CDH4: variants seen among roughly 807,000 people sequenced by gnomAD.
CDH4 encodes cadherin-4.
Under a neutral mutation model 86.0 loss-of-function variants are expected in CDH4, and 33 were observed. The observed-to-expected ratio is 0.38, with a 90% CI of 0.29 to 0.51. The LOEUF is 0.51. Among genes scored for constraint, CDH4 ranks in the 20% least tolerant of loss-of-function variants. The pLI is 0.86. For missense variants in CDH4, 1,114 were observed against 1,307.4 expected (o/e 0.85, Z 2.28); for synonymous variants, 555 against 549.4 (o/e 1.01, Z -0.14).
rs570651696 is a variant in CDH4 at position 61,811,520 on chromosome 20, G to GGGAAAAT, written c.577-33145_577-33139dup. Among the ~76,000 whole-genome samples the GGGAAAAT allele has an allele frequency of 2.8e-3, 428 of 152,258 alleles. 9 individuals carry two copies. Among genetic ancestry groups the GGGAAAAT allele is most frequent in the Middle Eastern group, 6.8e-3 (2 of 294 alleles). On this transcript the variant is annotated intron_variant, in intron 4 of 15. Transcript: ENST00000614565. The surrounding 1 kb of genome is among the most constrained non-coding windows in gnomAD (Gnocchi z 4.4). ...GCAGTGGAATCAACCAGTTAGAAAT[G>GGGAAAAT]GGAAAATGGTGGTTCCCTAGCCCAG...
chr20:61,746,252 G>A (rs1386524951), intron 3 of CDH4, among the ~76,000 whole-genome samples: 2 of 152,256 alleles, frequency 1.3e-5, no homozygotes, highest in Non-Finnish European at 2.9e-5. Context: ...TCCCATGGGG[G>A]CCATGGGGTC....
intron 2 of CDH4, among the ~76,000 whole-genome samples, chr20:61,690,260 T>C (rs2087638839): frequency 1.3e-5 from 2 of 151,854 alleles, no homozygotes; most frequent in South Asian, 2.1e-4. Flanking sequence ...TTAGGTGAGA[T>C]GGTGTGGTCA....
Position 61,658,963 on chromosome 20 carries a change from C to T in CDH4, c.170-84600C>T, listed in dbSNP as rs549637522. On this transcript the variant is annotated intron_variant, in intron 2 of 15. Coordinates refer to ENST00000614565, the MANE Select transcript of CDH4 (RefSeq NM_001794.5). ...CCTACATCTGTGGCCCCCGGAGCAG[C>T]GGCTCACCCTCAAGGCGTTTCTAAC... Among the ~76,000 whole-genome samples the T allele has an allele frequency of 2.9e-4, 44 of 152,278 alleles. No individual in the cohort carries two copies. The South Asian group carries it at 7.7e-3, about 27-fold the overall frequency.
intron 2 of CDH4, among the ~76,000 whole-genome samples, chr20:61,415,107 C>A (rs2085139550): frequency 6.6e-6 from 1 of 152,224 alleles, no homozygotes; most frequent in Non-Finnish European, 1.5e-5. Flanking sequence ...TATTCAAATT[C>A]TTTTCAGTGG....
At chr20:61,570,654 A>G (rs73136668) in intron 2 of CDH4, 30,812 of 702,232 alleles carry the variant, frequency 0.044, 1,739 homozygotes, top group African/African-American at 0.21. Flanking sequence ...TCACAATGGT[A>G]TTGGGCTGTG....
intron 2 of CDH4, among the ~76,000 whole-genome samples, chr20:61,628,999 G>T (rs1277539697): frequency 1.3e-5 from 2 of 152,254 alleles, no homozygotes; most frequent in African/African-American, 4.8e-5. Context: ...GCCGGCAAGT[G>T]CCTCTCAGCC....
chr20:61,785,194 G>A (rs923108035), intron 4 of CDH4, among the ~76,000 whole-genome samples: 3 of 152,060 alleles, frequency 2.0e-5, no homozygotes, highest in African/African-American at 4.8e-5. Flanking sequence ...CTATTCACAC[G>A]CAGCCCTGGC....
At chr20:61,260,862 T>C (rs2084124176) in intron 2 of CDH4, among the ~76,000 whole-genome samples, 2 of 152,188 alleles carry the variant, frequency 1.3e-5, no homozygotes. Context: ...GGGAAGTATA[T>C]ATCCTGTCTT....
intron 12 of CDH4, 25 bp from the exon 13 acceptor site, chr20:61,929,584 A>G: frequency 6.4e-7 from 1 of 1,573,740 alleles, no homozygotes; most frequent in Non-Finnish European, 8.7e-7. Context: ...GCTCTGGTTG[A>G]ATGTTTACTG....
intron 4 of CDH4, among the ~76,000 whole-genome samples, chr20:61,781,019 A>C (rs2105366): frequency 0.42 from 63,901 of 152,148 alleles, 14,499 homozygotes; most frequent in East Asian, 0.74. Context: ...TGCCCCGGAA[A>C]TGTGCATGCA....
chr20:61,408,126 C>T (rs1171658414), intron 2 of CDH4, among the ~76,000 whole-genome samples: 2 of 152,288 alleles, frequency 1.3e-5, no homozygotes, highest in South Asian at 2.1e-4. Flanking sequence ...CAAGTGTCCT[C>T]TCACTAGGAC....
Position 61,381,934 on chromosome 20 carries a change from G to GGTGT in CDH4, c.169+126998_169+126999insTGTG. 4.5e-5 allele frequency among the ~76,000 whole-genome samples: 5 copies of GGTGT among 110,872 alleles called. 1 individual carries two copies. Among genetic ancestry groups the GGTGT allele is most frequent in the African/African-American group, 1.9e-4 (5 of 25,926 alleles). 72.7% of individuals were successfully genotyped at this position (110,872 alleles called of 152,430 possible). ...TACTAAAAATACAAAAGATTAGCCA[G>GGTGT]GCATGGTGGCAGGCACCTGTAATCC... On this transcript the variant is annotated intron_variant, in intron 2 of 15. Transcript: ENST00000614565.
intron 2 of CDH4, among the ~76,000 whole-genome samples, chr20:61,628,297 C>T (rs2086850947): frequency 2.0e-5 from 3 of 152,060 alleles, no homozygotes; most frequent in Non-Finnish European, 4.4e-5. Flanking sequence ...TTCCTCACTG[C>T]CGCCCCCACC....
intron 4 of CDH4, among the ~76,000 whole-genome samples, chr20:61,836,607 T>A (rs577222453): frequency 6.6e-6 from 1 of 152,278 alleles, no homozygotes; most frequent in South Asian, 2.1e-4. Flanking sequence ...TTTCGGAAAA[T>A]GCAAGAAATA....
intron 2 of CDH4, among the ~76,000 whole-genome samples, chr20:61,591,505 GA>G (rs562088073): frequency 2.0e-4 from 30 of 151,388 alleles, no homozygotes; most frequent in Non-Finnish European, 4.0e-4. Flanking sequence ...TGAAATAGAT[GA>G]AAAAAAAATC....
chr20:61,836,549 C>A (rs1981887716), intron 4 of CDH4, among the ~76,000 whole-genome samples: 1 of 152,116 alleles, frequency 6.6e-6, no homozygotes, highest in Non-Finnish European at 1.5e-5. Context: ...ATTACAAGAA[C>A]CTAATTGAAA....
In CDH4 at chr20:61,565,185, T is replaced by C. The variant is rs1255061782; in HGVS notation, c.170-178378T>C. 1.7e-3 allele frequency among the ~76,000 whole-genome samples: 119 copies of C among 68,710 alleles called. 5 individuals are homozygous for C. The highest frequency in any genetic ancestry group is 2.6e-3 in the African/African-American group (42 of 16,448). The allele number at this position is 68,710 out of a possible 152,430, so 45.1% of individuals were successfully genotyped here. A position where few individuals can be genotyped will look rare whatever the true frequency, so the allele number is the denominator to read the frequency against. The stretch of plus-strand genomic sequence containing the variant: ...CTTGGTGATGGGGTGGTGGTGGTGG[T>C]GGTCCTCTTGGTGGTGGTCGCGGTG... On this transcript the variant is annotated intron_variant, in intron 2 of 15. Coordinates refer to ENST00000614565, the MANE Select transcript of CDH4 (RefSeq NM_001794.5).
At position 61,869,499 on chromosome 20, in the gene CDH4, G is replaced by A. The variant is rs534037117; in HGVS notation, c.878-4229G>A. ...GGCTGCTTTCAGTCTGGGTCTAGCAGAGCTCACTGGACCCAGCCACGTTCC... is the reference window on the plus strand; with the variant it reads ...GGCTGCTTTCAGTCTGGGTCTAGCAAAGCTCACTGGACCCAGCCACGTTCC... On this transcript the variant is annotated intron_variant, in intron 6 of 15. Coordinates refer to ENST00000614565, the MANE Select transcript of CDH4 (RefSeq NM_001794.5). Among the ~76,000 whole-genome samples, 5 of 152,354 alleles carry A rather than the reference G, an allele frequency of 3.3e-5. No homozygotes were observed. In the South Asian group the frequency reaches 1.0e-3, roughly 32 times the overall value.
chr20:61,371,501 C>T lies in CDH4; in HGVS notation c.169+116564C>T, dbSNP rs145309160. Among the ~76,000 whole-genome samples the T allele has an allele frequency of 3.6e-4, 55 of 152,336 alleles. 1 individual carries two copies. Among genetic ancestry groups the T allele is most frequent in the Middle Eastern group, 6.8e-3 (2 of 294 alleles). On this transcript the variant is annotated intron_variant, in intron 2 of 15. Transcript: ENST00000614565. ...CCATCGGGAAAAGCCTTCAACCAGCCGTCGTATAGGTGGACTGTCTGGTTA... is the reference window on the plus strand; with the variant it reads ...CCATCGGGAAAAGCCTTCAACCAGCTGTCGTATAGGTGGACTGTCTGGTTA...
Sources: gnomAD v4.1 joint callset for allele counts (sites outside exome capture counted in the v4.1 genomes callset) on GRCh38, gnomAD v4.1.1 for gene constraint, Gnocchi (gnomAD v3.1) non-coding constraint, MANE v1.5 for transcripts, NCBI Gene and HGNC (gene_info 2026-07-23, HGNC 2026-07-21) for gene names.